Variants in COL4A6 observed in about 807,000 individuals in gnomAD.
The protein encoded by COL4A6 is collagen alpha-6(IV) chain.
Under a neutral mutation model 126.7 loss-of-function variants are expected in COL4A6, and 59 were observed. The observed-to-expected ratio is 0.47, with a 90% CI of 0.38 to 0.58. The LOEUF is 0.58. COL4A6 is among the 20% of genes least tolerant of loss of function. COL4A6 has a pLI of 0.00. For missense variants in COL4A6, 1,285 were observed against 1,337.3 expected (o/e 0.96, Z 0.61); for synonymous variants, 547 against 496.6 (o/e 1.10, Z -1.35).
At chrX:108,160,689 G>C in intron 42 of COL4A6, 35 bp from the exon 43 acceptor site, 1 of 1,131,760 alleles carries the variant, frequency 8.8e-7, no homozygotes, top group South Asian at 2.0e-5. Context: ...TGAGTGTGGT[G>C]CAGCTAATGA....
intron 3 of COL4A6, among the ~76,000 whole-genome samples, chrX:108,249,587 C>T (rs1169496553): frequency 9.0e-6 from 1 of 111,467 alleles, no homozygotes; most frequent in Non-Finnish European, 1.9e-5. Flanking sequence ...TAATGAGTGT[C>T]CCAATCTCAG....
intron 37 of COL4A6, among the ~76,000 whole-genome samples, chrX:108,167,456 C>T (rs1275109732): frequency 9.0e-6 from 1 of 111,133 alleles, no homozygotes; most frequent in Non-Finnish European, 1.9e-5. Flanking sequence ...CCCACCTCAG[C>T]CCCCGAGTAG....
At chrX:108,159,832 C>A in intron 43 of COL4A6, 84 bp from the exon 44 acceptor site, 1 of 1,024,384 alleles carries the variant, frequency 9.8e-7, no homozygotes. Flanking sequence ...TACATCCAAC[C>A]ACTTGCACCA....
chrX:108,378,332 G>A lies in COL4A6; in HGVS notation c.63+59610C>T, dbSNP rs1278269156. Reference sequence around the variant, plus strand: ...TTCAGAACCTTTGATATGTTAATACGCACTGTGAATCTCAATATGAAGAAA... The same window carrying A: ...TTCAGAACCTTTGATATGTTAATACACACTGTGAATCTCAATATGAAGAAA... On this transcript the variant is annotated intron_variant, in intron 2 of 44. Coordinates refer to ENST00000334504, the MANE Select transcript of COL4A6 (RefSeq NM_033641.4). Among the ~76,000 whole-genome samples the A allele has an allele frequency of 5.4e-5, 6 of 111,261 alleles. No individual in the cohort carries two copies. In the East Asian group the frequency reaches 1.4e-3, roughly 26 times the overall value.
chrX:108,391,344 C>T (rs1232973557), intron 2 of COL4A6, among the ~76,000 whole-genome samples: 1 of 111,851 alleles, frequency 8.9e-6, no homozygotes, highest in African/African-American at 3.3e-5. Context: ...GGGGTTTTAT[C>T]TATAAGTCCC....
At chrX:108,267,793 T>A (rs1368939055) in intron 3 of COL4A6, 1 of 112,836 alleles carries the variant, frequency 8.9e-6, no homozygotes, top group African/African-American at 3.2e-5. Flanking sequence ...TAAGTTACAT[T>A]CCTAATGCAT....
intron 2 of COL4A6, among the ~76,000 whole-genome samples, chrX:108,417,695 A>G (rs1273891383): frequency 1.8e-5 from 2 of 112,081 alleles, no homozygotes; most frequent in Non-Finnish European, 3.8e-5. Context: ...TATAGAGAAT[A>G]TTGTTTTACT....
chrX:108,407,926 T>A (rs1291817729), intron 2 of COL4A6, among the ~76,000 whole-genome samples: 1 of 111,603 alleles, frequency 9.0e-6, no homozygotes, highest in East Asian at 2.8e-4. Flanking sequence ...CCTTAGAGAC[T>A]TTACATACAA....
intron 13 of COL4A6, among the ~76,000 whole-genome samples, chrX:108,199,864 G>C (rs938444051): frequency 1.8e-5 from 2 of 111,454 alleles, no homozygotes; most frequent in Non-Finnish European, 3.8e-5. Context: ...TGGACTGTAG[G>C]GGGCAGTATG....
intron 2 of COL4A6, among the ~76,000 whole-genome samples, chrX:108,437,570 C>A: frequency 9.0e-6 from 1 of 111,702 alleles, no homozygotes; most frequent in Middle Eastern, 4.6e-3. Flanking sequence ...GCTCTCCTCC[C>A]ACTCTCAAAC....
intron 38 of COL4A6, 84 bp from the exon 39 acceptor site, chrX:108,165,122 A>G: frequency 1.0e-6 from 1 of 965,677 alleles, no homozygotes; most frequent in Admixed American, 2.5e-5. Flanking sequence ...ACAGGACTCC[A>G]AAGCCCATTC....
Position 108,160,539 on chromosome X carries a change from G to C in COL4A6, c.4449C>G (p.Ile1483Met). The change falls in exon 43 of 45, where the codon ATC (isoleucine) becomes ATG (methionine). Residue 1483 changes from isoleucine (I) to methionine (M), a missense_variant. Coordinates refer to ENST00000334504, the MANE Select transcript of COL4A6 (RefSeq NM_033641.4). Reference sequence around the variant, plus strand: ...ACCCCACCCACAGCTGGCTCATCCCGATGGGACACGGGGGCACCTGTTCCG... The same window carrying C: ...ACCCCACCCACAGCTGGCTCATCCCCATGGGACACGGGGGCACCTGTTCCG... The part of the protein sequence containing the change: ...SQSEQVPPCP[I>M]GMSQLWVGYS... The C allele has an allele frequency of 2.5e-6, 3 of 1,211,006 alleles. No individual in the cohort carries two copies. The highest frequency in any genetic ancestry group is 1.7e-5 in the African/African-American group (1 of 57,742).
chrX:108,292,586 T>C (rs1260120861), intron 3 of COL4A6, among the ~76,000 whole-genome samples: 3 of 112,128 alleles, frequency 2.7e-5, no homozygotes, highest in African/African-American at 9.7e-5. Flanking sequence ...AAGCTATTAT[T>C]CTATATGTGA....
intron 44 of COL4A6, among the ~76,000 whole-genome samples, chrX:108,157,546 C>G (rs1209761482): frequency 9.0e-6 from 1 of 111,705 alleles, no homozygotes; most frequent in Non-Finnish European, 1.9e-5. Context: ...GCAGCAATTC[C>G]CAAACTGCTA....
intron 2 of COL4A6, among the ~76,000 whole-genome samples, chrX:108,435,383 G>A (rs2064247495): frequency 8.9e-6 from 1 of 112,162 alleles, no homozygotes; most frequent in Admixed American, 9.5e-5. Context: ...GCAAGTACAT[G>A]TAGATAATAA....
At position 108,188,648 on chromosome X, in the gene COL4A6, C is replaced by A; in HGVS notation, c.1456G>T (p.Gly486Cys). The A allele has an allele frequency of 8.5e-7, 1 of 1,176,351 alleles. No individual in the cohort carries two copies. The highest frequency in any genetic ancestry group is 2.5e-5 in the Admixed American group (1 of 40,468). Residue 486 changes from glycine to cysteine, a missense_variant, in exon 21 of 45, where the codon GGT (glycine) becomes TGT (cysteine). Transcript: ENST00000334504. ...GDSGFCACDGGVPNTGPPGEP... is the reference protein window; with the variant it reads ...GDSGFCACDGCVPNTGPPGEP... ...CCGGGTGGTCCAGTGTTGGGAACACCACCGTCACAAGCACAGAAACCTGAG... is the reference window on the plus strand; with the variant it reads ...CCGGGTGGTCCAGTGTTGGGAACACAACCGTCACAAGCACAGAAACCTGAG...
chrX:108,268,480 A>C (rs1212596257), intron 3 of COL4A6: 1 of 112,387 alleles, frequency 8.9e-6, no homozygotes, highest in African/African-American at 3.2e-5. Flanking sequence ...AAATTTGCCA[A>C]ATGGCACATA....
chrX:108,429,897 G>A (rs1295171098), intron 2 of COL4A6, among the ~76,000 whole-genome samples: 1 of 111,424 alleles, frequency 9.0e-6, no homozygotes, highest in Non-Finnish European at 1.9e-5. Context: ...AGATAGACAG[G>A]GAGAAGGCAG....
chrX:108,302,913 T>C (rs2038526568), intron 3 of COL4A6, among the ~76,000 whole-genome samples: 1 of 111,500 alleles, frequency 9.0e-6, no homozygotes, highest in East Asian at 2.8e-4. Flanking sequence ...TCTTAATTTC[T>C]TTCTAGTGTC....
Sources: allele counts gnomAD v4.1 joint callset (sites outside exome capture counted in the v4.1 genomes callset), GRCh38; gene constraint gnomAD v4.1.1; transcripts MANE v1.5; gene names NCBI Gene and HGNC (gene_info 2026-07-23, HGNC 2026-07-21).